The following C3orf22 variants were observed in gnomAD, a reference collection of about 807,000 sequenced individuals.
C3orf22 encodes the protein uncharacterized protein C3orf22.
Under a neutral mutation model 10.8 loss-of-function variants are expected in C3orf22, and 7 were observed. The observed-to-expected ratio is 0.65, with a 90% CI of 0.37 to 1.22. C3orf22 has a LOEUF of 1.22. Among genes scored for constraint, C3orf22 ranks in the 50% most tolerant of loss-of-function variants. C3orf22 has a pLI of 0.02. For missense variants in C3orf22, 173 were observed against 177.0 expected (o/e 0.98, Z 0.13); for synonymous variants, 79 against 78.9 (o/e 1.00, Z 0.00).
rs1351475287 is a variant in C3orf22, at chr3:126,558,630, G to T, written c.-44C>A. The T allele has an allele frequency of 6.6e-6, 1 of 152,338 alleles. No homozygotes were observed. Among genetic ancestry groups the T allele is most frequent in the Non-Finnish European group, 1.5e-5 (1 of 68,130 alleles). The allele number at this position is 152,338 out of a possible 1,614,324, so 9.4% of individuals were successfully genotyped here. On this transcript the variant is annotated 5_prime_UTR_variant, in exon 1 of 4. Coordinates refer to ENST00000318225, the MANE Select transcript of C3orf22 (RefSeq NM_152533.3). ...CACACAGGCTGCTAGCACTCACCAG[G>T]CAGCTACCTTGAATTCTGGCAGTGA... is the stretch of plus-strand genomic sequence containing the variant.
At position 126,529,890 on chromosome 3, in the gene C3orf22, C is replaced by T. The variant is rs908653076; in HGVS notation, c.287-518G>A. 1.1e-4 allele frequency among the ~76,000 whole-genome samples: 17 copies of T among 152,252 alleles called. No homozygotes were observed. The East Asian group carries it at 1.2e-3, about 10-fold the overall frequency. Reference sequence around the variant, plus strand: ...GGATGGGCCCTCCTGGGCTACACTGCCTGGCTCTCCCTGTTCTGTCTGCTC... The same window carrying T: ...GGATGGGCCCTCCTGGGCTACACTGTCTGGCTCTCCCTGTTCTGTCTGCTC... On this transcript the variant is annotated intron_variant and NMD_transcript_variant, in intron 4 of 5. Coordinates refer to the C3orf22 transcript ENST00000505070.
intron 1 of C3orf22, among the ~76,000 whole-genome samples, 184 bp from the exon 2 acceptor site, chr3:126,553,614 G>C (rs1158377419): frequency 6.6e-6 from 1 of 152,052 alleles, no homozygotes; most frequent in East Asian, 1.9e-4. Context: ...CCGTAATCAA[G>C]GTCCTCACCA....
chr3:126,542,018 A>G lies in C3orf22; in HGVS notation c.286+7519T>C, dbSNP rs970685842. On this transcript the variant is annotated intron_variant and NMD_transcript_variant, in intron 4 of 5. Transcript: ENST00000505070. ...CCGCCTGCCCTCACTGGCCGACTTC[A>G]GCCCCGCCGAGATCAACCGGCGCCT... 44 of 1,563,554 alleles carry G rather than the reference A, an allele frequency of 2.8e-5. No homozygotes were observed. The highest frequency in any genetic ancestry group is 3.5e-5 in the Non-Finnish European group (41 of 1,159,468).
chr3:126,531,256 G>A (rs1936654061), intron 4 of C3orf22, among the ~76,000 whole-genome samples: 2 of 152,230 alleles, frequency 1.3e-5, no homozygotes, highest in African/African-American at 4.8e-5. Context: ...GGATTCTTGA[G>A]TTTAATGGGC....
intron 4 of C3orf22, chr3:126,541,709 T>C: frequency 7.0e-7 from 1 of 1,429,460 alleles, no homozygotes; most frequent in Non-Finnish European, 9.1e-7. Flanking sequence ...CGCGTCCCCC[T>C]GTCCCGTCTC....
At chr3:126,552,362 A>C (rs548729806) in intron 2 of C3orf22, among the ~76,000 whole-genome samples, 7 of 152,330 alleles carry the variant, frequency 4.6e-5, no homozygotes, top group Admixed American at 3.3e-4. Context: ...CCTGCTCCAG[A>C]GCCTTGTCAT....
At chr3:126,555,715 A>AAG (rs1273283645) in intron 1 of C3orf22, among the ~76,000 whole-genome samples, 1 of 152,096 alleles carries the variant, frequency 6.6e-6, no homozygotes, top group Non-Finnish European at 1.5e-5. Context: ...TGGTGCCAAA[A>AAG]AGGTTAGGGA....
At chr3:126,558,196 A>G (rs1239311108) in intron 1 of C3orf22, among the ~76,000 whole-genome samples, 1 of 152,172 alleles carries the variant, frequency 6.6e-6, no homozygotes, top group Non-Finnish European at 1.5e-5. Context: ...AGAACGTATT[A>G]TGCTCACCCC....
At chr3:126,539,875 A>C (rs1576235881) in intron 4 of C3orf22, among the ~76,000 whole-genome samples, 1 of 610 alleles carries the variant, frequency 1.6e-3, no homozygotes, top group Non-Finnish European at 2.9e-3. Context: ...CACCACACAC[A>C]CACACAAACA....
rs553894850 is a variant in C3orf22, at chr3:126,552,075, T to C, written c.137A>G (p.Glu46Gly). 20 of 1,602,666 alleles carry C rather than the reference T, an allele frequency of 1.2e-5. No homozygotes were observed. Among genetic ancestry groups the C allele is most frequent in the Non-Finnish European group, 1.7e-5 (20 of 1,171,038 alleles). Residue 46 changes from glutamate (E) to glycine (G), a missense_variant, in exon 3 of 4, where the codon GAG becomes GGG. By Grantham distance (98) the Glu-to-Gly change is moderately conservative. Transcript: ENST00000318225. The stretch of plus-strand genomic sequence containing the variant: ...CACCGTGTTCGAGTCGTTTGTGACC[T>C]CCCAGGGCTGCAGGGGCTCAGGGTC... ...EPDPEPLQPWEVTNDSNTVQL... is the reference protein window; with the variant it reads ...EPDPEPLQPWGVTNDSNTVQL...
exon 5 of C3orf22, chr3:126,529,263 C>T (rs748485780): frequency 6.9e-5 from 85 of 1,225,112 alleles, no homozygotes; most frequent in Non-Finnish European, 1.9e-5. Flanking sequence ...TGCAACATGA[C>T]GTGTGCGGGT....
intron 4 of C3orf22, chr3:126,542,863 T>A: frequency 3.1e-6 from 1 of 326,586 alleles, no homozygotes; most frequent in African/African-American, 2.2e-5. Context: ...GGCAAGGACT[T>A]GATAACCAGG....
intron 4 of C3orf22, among the ~76,000 whole-genome samples, chr3:126,538,937 G>T (rs2107570499): frequency 6.6e-6 from 1 of 152,268 alleles, no homozygotes. Context: ...GTGAAGAGTA[G>T]GTCTCCTTGT....
intron 4 of C3orf22, chr3:126,541,969 C>T (rs1171250088): frequency 3.2e-6 from 5 of 1,581,728 alleles, no homozygotes; most frequent in Non-Finnish European, 2.6e-6. Context: ...GCGCCATCTC[C>T]GCGCAAGAGG....
At chr3:126,533,526 G>T (rs1263848845) in intron 4 of C3orf22, among the ~76,000 whole-genome samples, 1 of 152,120 alleles carries the variant, frequency 6.6e-6, no homozygotes, top group Admixed American at 6.5e-5. Flanking sequence ...GTATTACATT[G>T]ATTGATTTGT....
chr3:126,543,908 G>A (rs1357278442), intron 4 of C3orf22, among the ~76,000 whole-genome samples: 6 of 152,128 alleles, frequency 3.9e-5, no homozygotes, highest in Non-Finnish European at 8.8e-5. Context: ...TCCCCATGAG[G>A]CCTCCCCCAG....
At chr3:126,528,903 A>T (rs756027627) in intron 5 of C3orf22, among the ~76,000 whole-genome samples, 3 of 152,224 alleles carry the variant, frequency 2.0e-5, no homozygotes, top group Non-Finnish European at 4.4e-5. Context: ...AGGTCACCCC[A>T]GAAAGCCCCT....
At chr3:126,548,588 G>T (rs1191269559), downstream of C3orf22, among the ~76,000 whole-genome samples, 1 of 152,222 alleles carries the variant, frequency 6.6e-6, no homozygotes, top group Non-Finnish European at 1.5e-5. Context: ...CTTCCTGCAG[G>T]TCTGTGGGTG....
intron 1 of C3orf22, among the ~76,000 whole-genome samples, chr3:126,554,938 G>A (rs1028107598): frequency 1.3e-5 from 2 of 152,206 alleles, no homozygotes; most frequent in African/African-American, 4.8e-5. Flanking sequence ...TGATGGAAAT[G>A]CCCTAGGTCC....
Sources: gnomAD v4.1 joint callset for allele counts (sites outside exome capture counted in the v4.1 genomes callset) on GRCh38, gnomAD v4.1.1 for gene constraint, MANE v1.5 for transcripts, NCBI Gene and HGNC (gene_info 2026-07-23, HGNC 2026-07-21) for gene names.